The following GABBR2 variants were observed in gnomAD, a reference collection of about 807,000 sequenced individuals.
GABBR2 encodes the protein gamma-aminobutyric acid type B receptor subunit 2.
A neutral mutation model predicts 105.6 loss-of-function variants in GABBR2; 23 were observed. The ratio of observed to expected loss-of-function variants is 0.22; its 90% confidence interval spans 0.16 to 0.31. GABBR2 has a LOEUF of 0.31. Among genes scored for constraint, GABBR2 ranks in the 10% least tolerant of loss-of-function variants. GABBR2 has a pLI of 1.00. For synonymous variants in GABBR2, 478 were observed against 499.7 expected (o/e 0.96, Z 0.58); for missense variants, 734 against 1,245.5 (o/e 0.59, Z 6.18).
At chr9:98,587,678 C>T (rs1042616380) in intron 1 of GABBR2, among the ~76,000 whole-genome samples, 1 of 152,130 alleles carries the variant, frequency 6.6e-6, no homozygotes, top group African/African-American at 2.4e-5. Flanking sequence ...CCTCTTCTTC[C>T]ATAGAAGGGC....
intron 13 of GABBR2, among the ~76,000 whole-genome samples, chr9:98,317,251 C>G (rs558020528): frequency 1.4e-4 from 22 of 152,340 alleles, no homozygotes; most frequent in Admixed American, 1.4e-3. Context: ...AGTGCTCACA[C>G]CTGACTTCTG....
rs1413158191 is a variant in GABBR2, at chr9:98,475,999, A to T, written c.799-2653T>A. ...GAATTGCTTGAACCTGGGAGGCAGA[A>T]GTTGCAGTGAGCTGAGATCACACCC... On this transcript the variant is annotated intron_variant, in intron 5 of 18. Coordinates refer to ENST00000259455, the MANE Select transcript of GABBR2 (RefSeq NM_005458.8). Among the ~76,000 whole-genome samples the T allele has an allele frequency of 3.3e-5, 5 of 152,224 alleles. No homozygotes were observed. The East Asian group carries it at 9.7e-4, about 29-fold the overall frequency.
intron 3 of GABBR2, among the ~76,000 whole-genome samples, chr9:98,539,654 C>T (rs1293524657): frequency 6.6e-6 from 1 of 152,072 alleles, no homozygotes; most frequent in African/African-American, 2.4e-5. Context: ...CCCGGTGGCT[C>T]ATGCCACTTT....
intron 1 of GABBR2, among the ~76,000 whole-genome samples, chr9:98,593,830 C>A (rs984050091): frequency 6.6e-6 from 1 of 152,178 alleles, no homozygotes; most frequent in African/African-American, 2.4e-5. Flanking sequence ...GGTGCCCATG[C>A]TCCCTCTGCA....
chr9:98,362,954 C>CCGG, intron 12 of GABBR2, 117 bp from the exon 13 acceptor site: 1 of 787,964 alleles, frequency 1.3e-6, no homozygotes, highest in Non-Finnish European at 1.9e-6. Context: ...CGGAGAGTCT[C>CCGG]CTGCGATTCC....
At chr9:98,511,768 G>C (rs1827649370) in intron 3 of GABBR2, among the ~76,000 whole-genome samples, 1 of 152,266 alleles carries the variant, frequency 6.6e-6, no homozygotes, top group South Asian at 2.1e-4. Flanking sequence ...ATAATCAATA[G>C]ATTACCAACC....
chr9:98,300,999 G>A (rs1465020583), intron 16 of GABBR2, among the ~76,000 whole-genome samples: 1 of 152,230 alleles, frequency 6.6e-6, no homozygotes, highest in East Asian at 1.9e-4. Context: ...GAAGGTTCCT[G>A]GAGCATGGGG....
chr9:98,537,003 G>T (rs1178158789), intron 3 of GABBR2, among the ~76,000 whole-genome samples: 2 of 152,136 alleles, frequency 1.3e-5, no homozygotes, highest in African/African-American at 4.8e-5. Context: ...CCACCAGAGG[G>T]CGTCACTTCC....
intron 3 of GABBR2, among the ~76,000 whole-genome samples, chr9:98,513,531 A>C (rs1291840081): frequency 1.3e-5 from 2 of 152,108 alleles, no homozygotes; most frequent in Non-Finnish European, 2.9e-5. Context: ...AATATCCAGA[A>C]TCTACAATGA....
intron 1 of GABBR2, among the ~76,000 whole-genome samples, chr9:98,650,796 G>A (rs1210833080): frequency 1.3e-5 from 2 of 152,202 alleles, no homozygotes; most frequent in African/African-American, 4.8e-5. Flanking sequence ...ACATGGATGA[G>A]TTTTGAAGAT....
intron 3 of GABBR2, among the ~76,000 whole-genome samples, chr9:98,521,407 T>C (rs1588210095): frequency 6.6e-6 from 1 of 152,048 alleles, no homozygotes; most frequent in South Asian, 2.1e-4. Context: ...CACAGAAGGG[T>C]GCAGGGCCTA....
intron 3 of GABBR2, among the ~76,000 whole-genome samples, chr9:98,537,335 A>G (rs768099400): frequency 5.6e-4 from 86 of 152,240 alleles, no homozygotes; most frequent in Non-Finnish European, 1.0e-3. Context: ...AATTTCCAGA[A>G]AAGGTAAAAC....
At chr9:98,508,680 C>T (rs1176271293) in intron 3 of GABBR2, among the ~76,000 whole-genome samples, 7 of 152,194 alleles carry the variant, frequency 4.6e-5, no homozygotes, top group Non-Finnish European at 8.8e-5. Context: ...CACAGCAGTC[C>T]GAGATCAAGC....
chr9:98,356,137 T>C (rs943043831), intron 13 of GABBR2, among the ~76,000 whole-genome samples: 28 of 152,258 alleles, frequency 1.8e-4, no homozygotes, highest in Admixed American at 7.2e-4. Context: ...TGTTTGGCAA[T>C]GAGTGTTTTG....
In GABBR2 at chr9:98,399,908, T is replaced by A. The variant is rs541817680; in HGVS notation, c.1298-5653A>T. Among the ~76,000 whole-genome samples the A allele has an allele frequency of 1.5e-4, 22 of 151,414 alleles. No homozygotes were observed. In the South Asian group the frequency reaches 4.4e-3, roughly 30 times the overall value. On this transcript the variant is annotated intron_variant, in intron 8 of 18. Coordinates refer to ENST00000259455, the MANE Select transcript of GABBR2 (RefSeq NM_005458.8). The stretch of plus-strand genomic sequence containing the variant: ...TGGTCAAAGGGCTGGGTGCGGTGGC[T>A]CACACCTGTGATCTCAGCACTTTGG...
rs372640669 is a variant in GABBR2 at position 98,677,330 on chromosome 9, A to G, written c.321+31087T>C. 1.5e-3 allele frequency among the ~76,000 whole-genome samples: 225 copies of G among 152,344 alleles called. 1 individual carries two copies. The highest frequency in any genetic ancestry group is 5.2e-3 in the African/African-American group (217 of 41,574). ...GAAGGCTTGATCCAGACAGCAATCA[A>G]GTCAAAAGCGAAGAGCCCTGGTCAT... On this transcript the variant is annotated intron_variant, in intron 1 of 18. Transcript: ENST00000259455.
At chr9:98,305,765 A>G (rs1303834080) in intron 15 of GABBR2, among the ~76,000 whole-genome samples, 1 of 151,858 alleles carries the variant, frequency 6.6e-6, no homozygotes, top group East Asian at 1.9e-4. Context: ...CAGTGAGCCG[A>G]GAGATCACAT....
At chr9:98,299,149 C>T in intron 17 of GABBR2, 75 bp downstream of exon 17, 1 of 1,310,190 alleles carries the variant, frequency 7.6e-7, no homozygotes, top group Non-Finnish European at 1.1e-6. Flanking sequence ...GTTTCTTCAT[C>T]TAAAAAATGG....
At chr9:98,460,133 T>A (rs1427763953) in intron 6 of GABBR2, among the ~76,000 whole-genome samples, 1 of 152,234 alleles carries the variant, frequency 6.6e-6, no homozygotes, top group Non-Finnish European at 1.5e-5. Context: ...TTGGCGGGAA[T>A]GGTGGCTCAC....
Sources: allele counts gnomAD v4.1 joint callset (sites outside exome capture counted in the v4.1 genomes callset), GRCh38; gene constraint gnomAD v4.1.1; transcripts MANE v1.5; gene names NCBI Gene and HGNC (gene_info 2026-07-23, HGNC 2026-07-21).